CDKN3: variants seen among roughly 807,000 people sequenced by gnomAD.
CDKN3 encodes the protein cyclin dependent kinase inhibitor 3.
Under a neutral mutation model 36.1 loss-of-function variants are expected in CDKN3, and 19 were observed. The ratio of observed to expected loss-of-function variants is 0.53; its 90% confidence interval spans 0.37 to 0.77. The LOEUF (loss-of-function observed/expected upper bound fraction) is 0.77. Among genes scored for constraint, CDKN3 ranks in the 30% least tolerant of loss-of-function variants. CDKN3 has a pLI of 0.00. For synonymous variants in CDKN3, 71 were observed against 85.3 expected (o/e 0.83, Z 0.92); for missense variants, 188 against 248.6 (o/e 0.76, Z 1.64).
chr14:54,413,499 C>T lies in CDKN3; in HGVS notation c.416+1793C>T, dbSNP rs116980623. On this transcript the variant is annotated intron_variant, in intron 5 of 7. Transcript: ENST00000335183. ...CAACCCAAATGCTCTGATGTTTGTGCAGAGTACAAACAGGATAGACAGTAG... is the reference window on the plus strand; with the variant it reads ...CAACCCAAATGCTCTGATGTTTGTGTAGAGTACAAACAGGATAGACAGTAG... 2.3e-3 allele frequency: 1,822 copies of T among 790,610 alleles called. 3 individuals are homozygous for T. The highest frequency in any genetic ancestry group is 4.6e-3 in the Middle Eastern group (19 of 4,124). 49.0% of individuals were successfully genotyped at this position (790,610 alleles called of 1,614,324 possible). A position where few individuals can be genotyped will look rare whatever the true frequency, so the allele number is the denominator to read the frequency against.
In CDKN3 at chr14:54,416,361, AT is replaced by A. The variant is rs569131978; in HGVS notation, c.448+438del. ...GAAATGCCACACTGGAGTAGTAGTTATTTTTTTAGTGTTGGATGATATCAAA... is the reference window on the plus strand; with the variant it reads ...GAAATGCCACACTGGAGTAGTAGTTATTTTTTAGTGTTGGATGATATCAAA... On this transcript the variant is annotated intron_variant, in intron 6 of 7. Coordinates refer to ENST00000335183, the MANE Select transcript of CDKN3 (RefSeq NM_005192.4). Among the ~76,000 whole-genome samples the A allele has an allele frequency of 8.5e-5, 13 of 152,282 alleles. No homozygotes were observed. The South Asian group carries it at 2.7e-3, about 32-fold the overall frequency.
intron 7 of CDKN3, among the ~76,000 whole-genome samples, chr14:54,418,645 C>A (rs1034787483): frequency 6.6e-6 from 1 of 152,132 alleles, no homozygotes; most frequent in African/African-American, 2.4e-5. Flanking sequence ...GAGTGGGCAC[C>A]AAAGAATCCT....
At chr14:54,398,973 C>G (rs904268309) in intron 1 of CDKN3, among the ~76,000 whole-genome samples, 4 of 131,012 alleles carry the variant, frequency 3.1e-5, no homozygotes, top group African/African-American at 1.1e-4. Flanking sequence ...TCTTTCCTTT[C>G]TTTTTTCTTC....
chr14:54,402,137 C>T (rs755258448), intron 3 of CDKN3, among the ~76,000 whole-genome samples: 7 of 149,872 alleles, frequency 4.7e-5, no homozygotes, highest in Non-Finnish European at 1.0e-4. Flanking sequence ...TGACAGGAGG[C>T]AGGGGTTGCA....
Position 54,413,773 on chromosome 14 carries a change from G to A in CDKN3, c.416+2067G>A, listed in dbSNP as rs745461523. The A allele has an allele frequency of 1.6e-4, 231 of 1,445,646 alleles. 1 individual carries two copies. The Middle Eastern group carries it at 2.2e-3, about 14-fold the overall frequency. 89.6% of individuals were successfully genotyped at this position (1,445,646 alleles called of 1,614,324 possible). A position where few individuals can be genotyped will look rare whatever the true frequency, so the allele number is the denominator to read the frequency against. On this transcript the variant is annotated intron_variant, in intron 5 of 7. Coordinates refer to ENST00000335183, the MANE Select transcript of CDKN3 (RefSeq NM_005192.4). ...AGTGCTGTCTCACTGGTTCTGCCTG[G>A]ACATTTGCAGCCCTTTATAAAATTA...
chr14:54,412,416 A>G (rs888498901), intron 5 of CDKN3, among the ~76,000 whole-genome samples: 1 of 151,874 alleles, frequency 6.6e-6, no homozygotes. Flanking sequence ...GATTTTTTCA[A>G]AATTAGCTAC....
intron 2 of CDKN3, among the ~76,000 whole-genome samples, chr14:54,400,344 CTTATTCTTTTATGACAAAAGAAT>C (rs2029898705): frequency 6.6e-6 from 1 of 151,192 alleles, no homozygotes; most frequent in African/African-American, 2.4e-5. Flanking sequence ...TCAAAATCTA[CTTATTCTTTTATGACAAAAGAAT>C]AATATACCAA....
chr14:54,404,379 G>T (rs555046311), intron 3 of CDKN3, among the ~76,000 whole-genome samples: 1 of 152,096 alleles, frequency 6.6e-6, no homozygotes, highest in African/African-American at 2.4e-5. Context: ...TTGTATTTCT[G>T]TGGGATCAGT....
At position 54,418,247 on chromosome 14, in the gene CDKN3, G is replaced by A. The variant is rs4251666; in HGVS notation, c.552+296G>A. The A allele has an allele frequency of 4.4e-4, 306 of 702,236 alleles. 2 individuals are homozygous for A. The East Asian group carries it at 7.3e-3, about 17-fold the overall frequency. 43.5% of individuals were successfully genotyped at this position (702,236 alleles called of 1,614,324 possible). ...TACTTCTCAGTTTTTGCCCCAGTCC[G>A]TTTTGGGAATGGATCCTCTCACCTA... is the stretch of plus-strand genomic sequence containing the variant. On this transcript the variant is annotated intron_variant, in intron 7 of 7. Transcript: ENST00000335183.
At chr14:54,417,294 T>C (rs4251660) in intron 6 of CDKN3, among the ~76,000 whole-genome samples, 3,727 of 152,346 alleles carry the variant, frequency 0.024, 164 homozygotes, top group African/African-American at 0.084. Context: ...GTGGCATATC[T>C]ATACAATGGA....
At chr14:54,397,761 G>A (rs754606673) in intron 1 of CDKN3, among the ~76,000 whole-genome samples, 55 of 152,160 alleles carry the variant, frequency 3.6e-4, no homozygotes, top group Admixed American at 9.8e-4. Context: ...CCTACTGCCC[G>A]GCTTGACAAC....
At chr14:54,413,697 T>G in intron 5 of CDKN3, 2 of 1,534,596 alleles carry the variant, frequency 1.3e-6, no homozygotes, top group South Asian at 2.4e-5. Flanking sequence ...ATAGAGCTTA[T>G]CCTTCAGCAA....
intron 5 of CDKN3, among the ~76,000 whole-genome samples, chr14:54,415,010 T>A (rs1372676233): frequency 6.6e-6 from 1 of 152,136 alleles, no homozygotes; most frequent in Non-Finnish European, 1.5e-5. Flanking sequence ...TACAATACAA[T>A]ACAATACAAT....
At chr14:54,416,094 G>A (rs2030532618) in intron 6 of CDKN3, among the ~76,000 whole-genome samples, 164 bp downstream of exon 6, 1 of 152,182 alleles carries the variant, frequency 6.6e-6, no homozygotes, top group Non-Finnish European at 1.5e-5. Flanking sequence ...TGGAAAGCTT[G>A]GGTGGGAGTG....
chr14:54,398,142 A>G (rs1037438211), intron 1 of CDKN3, among the ~76,000 whole-genome samples: 2 of 152,224 alleles, frequency 1.3e-5, no homozygotes, highest in Non-Finnish European at 2.9e-5. Flanking sequence ...AGATAAAAGA[A>G]AGAAAGAAAA....
At chr14:54,415,308 C>A (rs2030499895) in intron 5 of CDKN3, among the ~76,000 whole-genome samples, 1 of 152,214 alleles carries the variant, frequency 6.6e-6, no homozygotes, top group African/African-American at 2.4e-5. Context: ...TTGTGAGCCT[C>A]ATTTAATCCT....
At chr14:54,400,786 C>T (rs984683202) in intron 2 of CDKN3, among the ~76,000 whole-genome samples, 35 of 152,180 alleles carry the variant, frequency 2.3e-4, no homozygotes, top group African/African-American at 8.4e-4. Flanking sequence ...ATGATGCCTC[C>T]TGTTTTCCTT....
intron 6 of CDKN3, among the ~76,000 whole-genome samples, chr14:54,416,325 A>G (rs549192003): frequency 5.3e-4 from 80 of 152,220 alleles, no homozygotes; most frequent in Non-Finnish European, 9.7e-4. Flanking sequence ...GAAAAACAAA[A>G]AAGAGTTCGT....
intron 3 of CDKN3, among the ~76,000 whole-genome samples, chr14:54,406,627 A>G (rs61985901): frequency 0.29 from 43,230 of 151,214 alleles, 7,055 homozygotes; most frequent in African/African-American, 0.44. Flanking sequence ...TGCTTGATCG[A>G]TTCAGCTATT....
Sources: allele counts gnomAD v4.1 joint callset (sites outside exome capture counted in the v4.1 genomes callset), GRCh38; gene constraint gnomAD v4.1.1; transcripts MANE v1.5; gene names NCBI Gene and HGNC (gene_info 2026-07-23, HGNC 2026-07-21).